Variants in NOL4 observed in about 807,000 individuals in gnomAD.
NOL4 encodes the protein cancer/testis antigen 125.
In NOL4, 17 loss-of-function variants were observed where a neutral mutation model predicts 75.9. That is an observed-to-expected ratio of 0.22 (90% CI 0.15 to 0.34). The LOEUF (loss-of-function observed/expected upper bound fraction) is 0.34. Ranked by LOEUF, NOL4 falls within the 10% of genes least tolerant of loss-of-function variation. The probability of loss-of-function intolerance (pLI) is 1.00; values close to 1 mark genes in which losing one functional copy is unlikely to be tolerated. For missense variants in NOL4, 614 were observed against 793.5 expected, an observed-to-expected ratio of 0.77 and a Z score of 2.72; for synonymous variants, 292 against 289.9, an observed-to-expected ratio of 1.01 and a Z score of -0.07.
intron 4 of NOL4, among the ~76,000 whole-genome samples, chr18:34,100,460 T>C (rs1414422160): frequency 6.6e-6 from 1 of 152,284 alleles, no homozygotes; most frequent in African/African-American, 2.4e-5. Flanking sequence ...AGAACACCAT[T>C]GACTTCCACC....
intron 5 of NOL4, among the ~76,000 whole-genome samples, chr18:34,065,995 C>T (rs2077260375): frequency 6.6e-6 from 1 of 151,878 alleles, no homozygotes; most frequent in South Asian, 2.1e-4. Context: ...ATCTGTATAG[C>T]TTTTCAAAAT....
Position 34,060,811 on chromosome 18 carries a change from GGCAATAAATTTCA to G in NOL4, c.772+32641_772+32653del, listed in dbSNP as rs2077037994. Among the ~76,000 whole-genome samples, 3 of 152,100 alleles carry G rather than the reference GGCAATAAATTTCA, an allele frequency of 2.0e-5. No homozygotes were observed. The South Asian group carries it at 6.2e-4, about 32-fold the overall frequency. On this transcript the variant is annotated intron_variant, in intron 5 of 10. Coordinates refer to ENST00000261592, the MANE Select transcript of NOL4 (RefSeq NM_003787.5). ...GCCTAAGAAGGACTACATAACCTGAGGCAATAAATTTCATTCCTCTATGTTTTGGCAACTACTG... is the reference window on the plus strand; with the variant it reads ...GCCTAAGAAGGACTACATAACCTGAGTTCCTCTATGTTTTGGCAACTACTG...
At chr18:34,093,181 T>C (rs1000155869) in intron 5 of NOL4, among the ~76,000 whole-genome samples, 5 of 152,140 alleles carry the variant, frequency 3.3e-5, no homozygotes, top group African/African-American at 9.7e-5. Context: ...CAAACTGTAT[T>C]GATATAACAC....
chr18:33,852,668 G>A lies in NOL4; in HGVS notation c.*174C>T. On this transcript the variant is annotated 3_prime_UTR_variant, in exon 11 of 11. Coordinates refer to ENST00000261592, the MANE Select transcript of NOL4 (RefSeq NM_003787.5). Reference sequence around the variant, plus strand: ...TAGCTCAAGTACTTCAGAGGTCAGAGTTCCTTTGAAGCACCTTAACACATC... The same window carrying A: ...TAGCTCAAGTACTTCAGAGGTCAGAATTCCTTTGAAGCACCTTAACACATC... 1 of 588,596 alleles carries A rather than the reference G, an allele frequency of 1.7e-6. No individual in the cohort carries two copies. Among genetic ancestry groups the A allele is most frequent in the Non-Finnish European group, 2.9e-6 (1 of 341,974 alleles). 36.5% of individuals were successfully genotyped at this position (588,596 alleles called of 1,614,324 possible). A position where few individuals can be genotyped will look rare whatever the true frequency, so the allele number is the denominator to read the frequency against.
chr18:33,867,357 A>G (rs1170157743), intron 10 of NOL4, among the ~76,000 whole-genome samples: 4 of 152,146 alleles, frequency 2.6e-5, no homozygotes, highest in Non-Finnish European at 5.9e-5. Context: ...TGCTCTAACA[A>G]AGCTAGAACA....
chr18:34,116,668 A>G (rs2079874121), intron 2 of NOL4, among the ~76,000 whole-genome samples: 1 of 152,216 alleles, frequency 6.6e-6, no homozygotes, highest in South Asian at 2.1e-4. Flanking sequence ...ACATAAAGTT[A>G]GAAAAATTGA....
At chr18:34,010,324 T>A (rs913673993) in intron 6 of NOL4, among the ~76,000 whole-genome samples, 4 of 151,938 alleles carry the variant, frequency 2.6e-5, no homozygotes, top group African/African-American at 7.2e-5. Context: ...TTGTTACAAA[T>A]GACAGAATTT....
intron 6 of NOL4, 52 bp downstream of exon 6, chr18:34,019,266 T>C (rs2074891202): frequency 6.6e-7 from 1 of 1,517,954 alleles, no homozygotes; most frequent in African/African-American, 1.4e-5. Context: ...AGGTATTTTT[T>C]GTGACCTTCA....
intron 9 of NOL4, among the ~76,000 whole-genome samples, chr18:33,902,704 T>G (rs2065813591): frequency 1.3e-5 from 2 of 152,114 alleles, no homozygotes; most frequent in South Asian, 4.1e-4. Flanking sequence ...CAAGTTTGAC[T>G]TCCAGGTTAT....
chr18:34,176,607 C>A (rs531461248), intron 1 of NOL4, among the ~76,000 whole-genome samples: 1 of 152,078 alleles, frequency 6.6e-6, no homozygotes, highest in Admixed American at 6.6e-5. Context: ...TAAATGAGAT[C>A]ATAAGAATGG....
chr18:34,046,409 G>A (rs761368668), intron 5 of NOL4, among the ~76,000 whole-genome samples: 12 of 151,754 alleles, frequency 7.9e-5, no homozygotes, highest in Non-Finnish European at 1.6e-4. Flanking sequence ...CCAGTCTTCA[G>A]TTGACAGCCA....
At chr18:34,076,147 C>T (rs889004731) in intron 5 of NOL4, among the ~76,000 whole-genome samples, 18 of 152,110 alleles carry the variant, frequency 1.2e-4, no homozygotes, top group South Asian at 2.1e-4. Context: ...TGCCTATTTA[C>T]GAAAGGTGCT....
chr18:34,083,486 T>C (rs1249160977), intron 5 of NOL4, among the ~76,000 whole-genome samples: 1 of 152,156 alleles, frequency 6.6e-6, no homozygotes, highest in Non-Finnish European at 1.5e-5. Flanking sequence ...TTTAGAGATG[T>C]ACAGAAAATG....
chr18:34,058,920 T>C (rs2076943766), intron 5 of NOL4, among the ~76,000 whole-genome samples: 1 of 151,984 alleles, frequency 6.6e-6, no homozygotes, highest in African/African-American at 2.4e-5. Context: ...TCTGTTGACC[T>C]AGAAAGCCAT....
At chr18:34,049,070 GCGCGCACA>G (rs1338218147) in intron 5 of NOL4, among the ~76,000 whole-genome samples, 10 of 44,076 alleles carry the variant, frequency 2.3e-4, no homozygotes, top group East Asian at 3.2e-3. Flanking sequence ...AGATACAGGC[GCGCGCACA>G]CACACACACA....
intron 1 of NOL4, chr18:34,222,523 G>A: frequency 1.2e-6 from 1 of 860,056 alleles, no homozygotes; most frequent in African/African-American, 1.8e-5. Flanking sequence ...CTACATTCGG[G>A]CTTTATGCCA....
At chr18:34,119,237 TATAG>T (rs1344423881) in intron 2 of NOL4, among the ~76,000 whole-genome samples, 2 of 152,216 alleles carry the variant, frequency 1.3e-5, no homozygotes, top group African/African-American at 2.4e-5. Flanking sequence ...CTTATCTATC[TATAG>T]ATAGAGTATC....
chr18:34,088,290 C>A (rs923601620), intron 5 of NOL4, among the ~76,000 whole-genome samples: 16 of 152,028 alleles, frequency 1.1e-4, no homozygotes, highest in Non-Finnish European at 4.4e-5. Context: ...TAACCCCAGA[C>A]AAGGAATGAA....
intron 6 of NOL4, among the ~76,000 whole-genome samples, chr18:34,013,996 G>A (rs1568215681): frequency 6.6e-6 from 1 of 151,846 alleles, no homozygotes; most frequent in Non-Finnish European, 1.5e-5. Context: ...AACCAATAAT[G>A]AGCAGGAATA....
Sources: gnomAD v4.1 joint callset for allele counts (sites outside exome capture counted in the v4.1 genomes callset) on GRCh38, gnomAD v4.1.1 for gene constraint, MANE v1.5 for transcripts, NCBI Gene and HGNC (gene_info 2026-07-23, HGNC 2026-07-21) for gene names.